Variants in LONRF3 observed in about 807,000 individuals in gnomAD.
The protein encoded by LONRF3 is LON peptidase N-terminal domain and ring finger 3.
LONRF3 carries 19 observed loss-of-function variants against 51.7 expected under a neutral mutation model. That is an observed-to-expected ratio of 0.37 (90% CI 0.26 to 0.54). The LOEUF is 0.54. Among genes scored for constraint, LONRF3 ranks in the 20% least tolerant of loss-of-function variants. LONRF3 has a pLI of 0.86. For missense variants in LONRF3, 521 were observed against 623.9 expected (o/e 0.84, Z 1.76); for synonymous variants, 265 against 257.8 (o/e 1.03, Z -0.27).
Position 118,975,042 on chromosome X carries a change from G to A in LONRF3, c.262G>A (p.Glu88Lys), listed in dbSNP as rs1340750882. The part of the protein sequence containing the change: ...ASRGRIREAL[E>K]VYRQLSERQQ... ...CCGGGGGCGAATCCGTGAAGCCCTC[G>A]AGGTGTATAGACAGCTCTCCGAGCG... The change falls in exon 1 of 11, where the codon GAG (glutamate) becomes AAG (lysine). Residue 88 changes from glutamate (E) to lysine (K), a missense_variant. Physicochemically the swap from Glu to Lys is moderately conservative, Grantham distance 56. Around this residue, in one of 2 missense-constraint regions of LONRF3, gnomAD observed 376 missense variants for 376.7 expected, o/e 1.00. Coordinates refer to ENST00000371628, the MANE Select transcript of LONRF3 (RefSeq NM_001031855.3). The A allele has an allele frequency of 1.7e-6, 2 of 1,173,169 alleles. No individual in the cohort carries two copies. The highest frequency in any genetic ancestry group is 2.5e-5 in the Admixed American group (1 of 39,978).
intron 5 of LONRF3, among the ~76,000 whole-genome samples, chrX:118,991,864 A>AT (rs58137872): frequency 0.47 from 50,495 of 108,153 alleles, 9,695 homozygotes; most frequent in African/African-American, 0.69. Flanking sequence ...AATGTTAACT[A>AT]TTTTTTTTTC....
At chrX:118,997,822 T>G (rs970566912) in intron 5 of LONRF3, among the ~76,000 whole-genome samples, 1 of 112,368 alleles carries the variant, frequency 8.9e-6, no homozygotes, top group Non-Finnish European at 1.9e-5. Context: ...AGGACATGAA[T>G]AGATAATTCT....
At chrX:119,003,750 T>C (rs191889706) in intron 5 of LONRF3, among the ~76,000 whole-genome samples, 2 of 112,670 alleles carry the variant, frequency 1.8e-5, no homozygotes, top group East Asian at 2.8e-4. Flanking sequence ...CTTGTCAAGT[T>C]CTACAAAAAT....
At chrX:118,998,260 T>C (rs1202868619) in intron 5 of LONRF3, among the ~76,000 whole-genome samples, 2 of 112,455 alleles carry the variant, frequency 1.8e-5, no homozygotes, top group Non-Finnish European at 3.7e-5. Flanking sequence ...GGTATATATA[T>C]ACAATTGAAT....
At chrX:118,985,906 CCTAA>C (rs1443298119) in intron 3 of LONRF3, among the ~76,000 whole-genome samples, 1 of 111,026 alleles carries the variant, frequency 9.0e-6, no homozygotes, top group African/African-American at 3.3e-5. Flanking sequence ...CAATTAATAC[CCTAA>C]CTATGTACCC....
At position 118,987,445 on chromosome X, in the gene LONRF3, G is replaced by GTTTTTTTTTT. The variant is rs369180848; in HGVS notation, c.1060-1944_1060-1935dup. Among the ~76,000 whole-genome samples, 63 of 32,295 alleles carry GTTTTTTTTTT rather than the reference G, an allele frequency of 2.0e-3. 8 individuals are homozygous for GTTTTTTTTTT. Among genetic ancestry groups the GTTTTTTTTTT allele is most frequent in the African/African-American group, 4.3e-3 (28 of 6,474 alleles). 28.0% of individuals were successfully genotyped at this position (32,295 alleles called of 115,157 possible). A position where few individuals can be genotyped will look rare whatever the true frequency, so the allele number is the denominator to read the frequency against. On this transcript the variant is annotated intron_variant, in intron 3 of 10. Coordinates refer to ENST00000371628, the MANE Select transcript of LONRF3 (RefSeq NM_001031855.3). ...GGCACGTGCCACCATGCCTGGCTAA[G>GTTTTTTTTTT]TTTTTTTTTTTTTTTTTTTTTTTTT...
At position 118,974,686 on chromosome X, in the gene LONRF3, G is replaced by A. The variant is rs1163976714; in HGVS notation, c.-95G>A. The stretch of plus-strand genomic sequence containing the variant: ...GGCAGGGTCAGGAGCTCGGTGGCAT[G>A]GCGGCGGTGGCTGCCCCGATTTCCT... On this transcript the variant is annotated 5_prime_UTR_variant, in exon 1 of 11. It removes an upstream start codon present in the reference 5' UTR. Transcript: ENST00000371628. 3.1e-5 allele frequency: 25 copies of A among 796,081 alleles called. No homozygotes were observed. The highest frequency in any genetic ancestry group is 4.2e-4 in the Middle Eastern group (1 of 2,383). The allele number at this position is 796,081 out of a possible 1,213,427, so 65.6% of individuals were successfully genotyped here.
At chrX:119,008,300 C>G (rs1036212287) in intron 6 of LONRF3, among the ~76,000 whole-genome samples, 2 of 112,452 alleles carry the variant, frequency 1.8e-5, no homozygotes, top group Admixed American at 9.4e-5. Context: ...CAGTTTTATA[C>G]TCAGGCGCTC....
chrX:118,975,866 C>G (rs1308763827), intron 1 of LONRF3, among the ~76,000 whole-genome samples: 2 of 110,681 alleles, frequency 1.8e-5, no homozygotes, highest in Non-Finnish European at 3.8e-5. Context: ...TTTTGTGTTC[C>G]TGTCTCTCAG....
intron 5 of LONRF3, among the ~76,000 whole-genome samples, chrX:118,995,296 C>T (rs978999128): frequency 4.5e-5 from 5 of 111,929 alleles, no homozygotes; most frequent in East Asian, 5.6e-4. Flanking sequence ...AACTGAATGA[C>T]AATAATGACA....
chrX:119,006,284 T>A, intron 6 of LONRF3, 49 bp downstream of exon 6: 1 of 968,342 alleles, frequency 1.0e-6, no homozygotes, highest in Non-Finnish European at 1.4e-6. Context: ...ATTTCTTTCT[T>A]GTTTTGTTTA....
intron 1 of LONRF3, 139 bp downstream of exon 1, chrX:118,975,736 G>A: frequency 2.4e-6 from 1 of 418,524 alleles, no homozygotes; most frequent in African/African-American, 2.7e-5. Context: ...GGCGGGGTGG[G>A]GGAGGGGTGA....
At chrX:118,985,927 C>T (rs984034535) in intron 3 of LONRF3, among the ~76,000 whole-genome samples, 5 of 111,278 alleles carry the variant, frequency 4.5e-5, no homozygotes, top group African/African-American at 1.6e-4. Flanking sequence ...ACCCTCAGCA[C>T]GGGACTGGAG....
chrX:118,982,677 A>C, intron 2 of LONRF3, 144 bp from the exon 3 acceptor site: 6 of 756,881 alleles, frequency 7.9e-6, no homozygotes, highest in Non-Finnish European at 9.8e-6. Context: ...GCATTAGAAC[A>C]GTTGCCCGCA....
At chrX:119,016,350 C>CTT (rs10640705) in intron 10 of LONRF3, among the ~76,000 whole-genome samples, 4,514 of 88,448 alleles carry the variant, frequency 0.051, 226 homozygotes, top group African/African-American at 0.14. Context: ...TTCTTTCTTT[C>CTT]TTTTTTTTTT....
At chrX:118,992,326 G>C (rs1422744696) in intron 5 of LONRF3, among the ~76,000 whole-genome samples, 2 of 111,691 alleles carry the variant, frequency 1.8e-5, no homozygotes, top group Non-Finnish European at 3.8e-5. Flanking sequence ...GGAGCTGTTG[G>C]GGAGGGCACG....
chrX:118,974,967 T>A lies in LONRF3; in HGVS notation c.187T>A (p.Ser63Thr). The A allele has an allele frequency of 8.5e-7, 1 of 1,176,408 alleles. No homozygotes were observed. The highest frequency in any genetic ancestry group is 1.1e-6 in the Non-Finnish European group (1 of 877,834). The change falls in exon 1 of 11, where the codon TCA becomes ACA. Residue 63 changes from serine (S) to threonine (T), a missense_variant. This residue lies in a region of LONRF3 where 376 missense variants were observed against 376.7 expected (regional missense o/e 1.00). Transcript: ENST00000371628. ...AGAGCAAGAGCAGTCTCCGGGGACC[T>A]CAACGCCGGAGAGCAAAGTCCTGCT... ...EPEQEQSPGT[S>T]TPESKVLLTQ...
intron 4 of LONRF3, among the ~76,000 whole-genome samples, chrX:118,990,056 CA>C (rs1266917518): frequency 8.9e-6 from 1 of 111,791 alleles, no homozygotes; most frequent in African/African-American, 3.3e-5. Flanking sequence ...TGCTCATTCC[CA>C]GTTGTGTTCC....
chrX:118,980,005 C>T (rs1385517294), intron 2 of LONRF3, among the ~76,000 whole-genome samples: 2 of 112,277 alleles, frequency 1.8e-5, no homozygotes, highest in Non-Finnish European at 3.8e-5. Flanking sequence ...ACTCTCTGAA[C>T]CCCAAGTATC....
Sources: gnomAD v4.1 joint callset for allele counts (sites outside exome capture counted in the v4.1 genomes callset) on GRCh38, gnomAD v4.1.1 for gene constraint, gnomAD v4.1.1 regional missense constraint, MANE v1.5 for transcripts, NCBI Gene and HGNC (gene_info 2026-07-23, HGNC 2026-07-21) for gene names.